Variants in CDKL4 observed in about 807,000 individuals in gnomAD.
The protein encoded by CDKL4 is cyclin dependent kinase like 4, also known as cyclin-dependent kinase-like 4.
A neutral mutation model predicts 42.0 loss-of-function variants in CDKL4; 44 were observed. The observed-to-expected ratio is 1.05, with a 90% CI of 0.82 to 1.35. The LOEUF (loss-of-function observed/expected upper bound fraction) is 1.35, where lower values mean the gene tolerates loss of function less well. Ranked by LOEUF, CDKL4 falls within the 40% of genes most tolerant of loss-of-function variation. The pLI, the probability that CDKL4 is intolerant of heterozygous loss-of-function variation, is 0.00. For synonymous variants in CDKL4, 120 were observed against 121.6 expected (o/e 0.99, Z 0.09); for missense variants, 393 against 369.9 (o/e 1.06, Z -0.51).
At chr2:39,169,186 C>T in the CDKL4 span, among the ~76,000 whole-genome samples, 1 of 152,196 alleles carries the variant, frequency 6.6e-6, no homozygotes, top group African/African-American at 2.4e-5. Flanking sequence ...TGATGATATG[C>T]ATCATATCCA....
chr2:39,205,936 A>G (rs1010871652), intron 4 of CDKL4, among the ~76,000 whole-genome samples: 1 of 152,104 alleles, frequency 6.6e-6, no homozygotes, highest in African/African-American at 2.4e-5. Flanking sequence ...CCACCTCCTC[A>G]CCGGAGCTAA....
intron 3 of CDKL4, among the ~76,000 whole-genome samples, chr2:39,223,581 CTTTTTTT>C (rs59461223): frequency 2.4e-5 from 2 of 83,484 alleles, no homozygotes; most frequent in African/African-American, 9.6e-5. Flanking sequence ...ATTTCCTTCT[CTTTTTTT>C]TTTTTTTTGA....
chr2:39,229,351 T>C lies in CDKL4; in HGVS notation c.168+14A>G, dbSNP rs1457386191. 7 of 1,528,078 alleles carry C rather than the reference T, an allele frequency of 4.6e-6. No individual in the cohort carries two copies. Among genetic ancestry groups the C allele is most frequent in the Non-Finnish European group, 6.2e-6 (7 of 1,125,374 alleles). 94.7% of individuals were successfully genotyped at this position (1,528,078 alleles called of 1,614,324 possible). On this transcript the variant is annotated intron_variant, in intron 2 of 9. Coordinates refer to ENST00000451199, the Ensembl canonical transcript of CDKL4. The stretch of plus-strand genomic sequence containing the variant: ...AATTCCATGATATTTTACATATATA[T>C]AAAGTTAACTTACCTTCAACATACG...
intron 6 of CDKL4, among the ~76,000 whole-genome samples, chr2:39,189,662 A>G (rs1212624604): frequency 6.6e-6 from 1 of 152,218 alleles, no homozygotes; most frequent in Non-Finnish European, 1.5e-5. Flanking sequence ...TTGGTTTTAC[A>G]TTTTTAAGCA....
downstream of CDKL4, among the ~76,000 whole-genome samples, chr2:39,172,494 G>A (rs1675028760): frequency 6.6e-6 from 1 of 152,182 alleles, no homozygotes; most frequent in Admixed American, 6.5e-5. Context: ...TGGGGACCCT[G>A]GGCAACGCAG....
chr2:39,224,880 T>A (rs951518637), intron 3 of CDKL4, among the ~76,000 whole-genome samples: 1 of 152,234 alleles, frequency 6.6e-6, no homozygotes, highest in African/African-American at 2.4e-5. Flanking sequence ...GTCGCTGTAC[T>A]GAATTCCACT....
chr2:39,216,499 G>A (rs56844025), intron 3 of CDKL4, among the ~76,000 whole-genome samples: 4,862 of 152,248 alleles, frequency 0.032, 252 homozygotes, highest in African/African-American at 0.11. Context: ...ATCAAGCAAG[G>A]AAGTGACATA....
chr2:39,245,118 C>A (rs1458992430), upstream of CDKL4, among the ~76,000 whole-genome samples: 2 of 152,216 alleles, frequency 1.3e-5, no homozygotes, highest in South Asian at 2.1e-4. Context: ...GCAACACACT[C>A]GGGTTCCTTT....
intron 6 of CDKL4, 23 bp from the exon 7 acceptor site, chr2:39,187,732 T>C: frequency 6.5e-7 from 1 of 1,535,094 alleles, no homozygotes. Flanking sequence ...AACCACATAA[T>C]TCATCATAAA....
chr2:39,204,621 T>C lies in CDKL4; in HGVS notation c.364-4A>G, dbSNP rs1226256619. 2 of 1,372,908 alleles carry C rather than the reference T, an allele frequency of 1.5e-6. No homozygotes were observed. Among genetic ancestry groups the C allele is most frequent in the East Asian group, 4.6e-5 (2 of 43,516 alleles). The allele number at this position is 1,372,908 out of a possible 1,614,324, so 85.0% of individuals were successfully genotyped here. ...GTTTTATATCTCTGTGAATACACTG[T>C]AAGATCATTATTTGATTATTTTTCT... On this transcript the variant is annotated splice_region_variant and splice_polypyrimidine_tract_variant and intron_variant, in intron 4 of 9. Coordinates refer to ENST00000451199, the Ensembl canonical transcript of CDKL4.
chr2:39,214,772 T>C (rs936015847), intron 3 of CDKL4, among the ~76,000 whole-genome samples: 7 of 152,184 alleles, frequency 4.6e-5, no homozygotes, highest in East Asian at 1.9e-4. Context: ...TGTAAGCAGA[T>C]AGCCCAAAAG....
At chr2:39,178,494 G>A in intron 9 of CDKL4, 2 of 1,451,136 alleles carry the variant, frequency 1.4e-6, no homozygotes, top group Admixed American at 4.0e-5. Flanking sequence ...TAGGTGCCGG[G>A]TTTACAAGGT....
intron 5 of CDKL4, among the ~76,000 whole-genome samples, chr2:39,195,300 A>G (rs1572964280): frequency 6.6e-6 from 1 of 152,208 alleles, no homozygotes; most frequent in East Asian, 1.9e-4. Context: ...CCTGCTGCCA[A>G]TTTTTTTGGG....
At chr2:39,230,563 G>A (rs1679036632) in intron 1 of CDKL4, among the ~76,000 whole-genome samples, 1 of 152,088 alleles carries the variant, frequency 6.6e-6, no homozygotes, top group African/African-American at 2.4e-5. Flanking sequence ...ATGTTTTGGT[G>A]ACCGAATTAA....
At chr2:39,178,934 C>T (rs1267417922) in intron 9 of CDKL4, 1 of 1,446,772 alleles carries the variant, frequency 6.9e-7, no homozygotes, top group African/African-American at 1.4e-5. Context: ...GATATCCAAT[C>T]AGAGCAGCCA....
chr2:39,226,082 G>A (rs989903689), intron 2 of CDKL4, 122 bp from the exon 3 acceptor site: 6 of 939,436 alleles, frequency 6.4e-6, no homozygotes, highest in East Asian at 3.0e-5. Context: ...CCTATAATAA[G>A]TGGTAACAAA....
chr2:39,245,447 A>G (rs1469166557), upstream of CDKL4, among the ~76,000 whole-genome samples: 2 of 152,218 alleles, frequency 1.3e-5, no homozygotes, highest in Non-Finnish European at 2.9e-5. Flanking sequence ...TAAGAGCTGT[A>G]ACACTCACCG....
intron 3 of CDKL4, among the ~76,000 whole-genome samples, chr2:39,224,876 G>A (rs1678600575): frequency 6.6e-6 from 1 of 152,108 alleles, no homozygotes; most frequent in African/African-American, 2.4e-5. Flanking sequence ...AGGGGTCGCT[G>A]TACTGAATTC....
chr2:39,185,205 TAC>T (rs1196930616), intron 7 of CDKL4, among the ~76,000 whole-genome samples: 1 of 20,084 alleles, frequency 5.0e-5, no homozygotes, highest in Admixed American at 4.1e-4. Flanking sequence ...TATATACACA[TAC>T]GTATATATAC....
Sources: gnomAD v4.1 joint callset for allele counts (sites outside exome capture counted in the v4.1 genomes callset) on GRCh38, gnomAD v4.1.1 for gene constraint, MANE v1.5 for transcripts, NCBI Gene and HGNC (gene_info 2026-07-23, HGNC 2026-07-21) for gene names.